Variants in COL9A1 observed in about 807,000 individuals in gnomAD.
COL9A1 encodes collagen type IX alpha 1 chain, also known as collagen alpha-1(IX) chain.
Under a neutral mutation model 142.6 loss-of-function variants are expected in COL9A1, and 104 were observed. That is an observed-to-expected ratio of 0.73 (90% CI 0.62 to 0.86). The LOEUF (loss-of-function observed/expected upper bound fraction) is 0.86. Among genes scored for constraint, COL9A1 ranks in the 40% least tolerant of loss-of-function variants. The probability of loss-of-function intolerance (pLI) is 0.00; values close to 1 mark genes in which losing one functional copy is unlikely to be tolerated. For synonymous variants in COL9A1, 466 were observed against 396.0 expected (o/e 1.18, Z -2.10); for missense variants, 1,210 against 1,176.6 (o/e 1.03, Z -0.42).
chr6:70,264,445 A>G (rs972792383), intron 18 of COL9A1, among the ~76,000 whole-genome samples: 7 of 152,176 alleles, frequency 4.6e-5, no homozygotes, highest in Middle Eastern at 3.4e-3. Context: ...ACTAGAATCT[A>G]TGACTGACAG....
chr6:70,300,693 G>C (rs1254222225), intron 2 of COL9A1, among the ~76,000 whole-genome samples: 1 of 152,132 alleles, frequency 6.6e-6, no homozygotes, highest in African/African-American at 2.4e-5. Flanking sequence ...AATCTGGCTG[G>C]GAAAATGTTC....
intron 37 of COL9A1, among the ~76,000 whole-genome samples, chr6:70,224,290 C>A (rs1769086349): frequency 6.6e-6 from 1 of 152,118 alleles, no homozygotes; most frequent in South Asian, 2.1e-4. Flanking sequence ...CGTTTGCGCC[C>A]CCCATCAACT....
chr6:70,233,453 A>T (rs955915496), intron 35 of COL9A1, among the ~76,000 whole-genome samples: 3 of 152,204 alleles, frequency 2.0e-5, no homozygotes, highest in Admixed American at 6.5e-5. Flanking sequence ...TAGATTCAGA[A>T]TCACCCACTA....
At chr6:70,220,318 A>G (rs190549423) in intron 37 of COL9A1, among the ~76,000 whole-genome samples, 176 of 152,052 alleles carry the variant, frequency 1.2e-3, no homozygotes, top group African/African-American at 4.1e-3. Context: ...ACCCTTAACC[A>G]CTGCACTAAC....
intron 18 of COL9A1, among the ~76,000 whole-genome samples, chr6:70,263,916 T>C (rs1771855788): frequency 6.6e-6 from 1 of 151,960 alleles, no homozygotes; most frequent in Non-Finnish European, 1.5e-5. Context: ...TACATAGAAA[T>C]CTGTAATTAC....
At chr6:70,232,123 T>G (rs979450322) in intron 36 of COL9A1, among the ~76,000 whole-genome samples, 3 of 152,184 alleles carry the variant, frequency 2.0e-5, no homozygotes, top group Non-Finnish European at 2.9e-5. Flanking sequence ...GGGAGGCAGC[T>G]CTAATGCATA....
intron 10 of COL9A1, among the ~76,000 whole-genome samples, chr6:70,278,371 A>G (rs1772904717): frequency 6.6e-6 from 1 of 152,244 alleles, no homozygotes; most frequent in Non-Finnish European, 1.5e-5. Context: ...CTCTCTGAGG[A>G]AACCACTTGT....
chr6:70,302,125 AAACACTTCC>A, intron 1 of COL9A1, 51 bp from the exon 2 acceptor site: 1 of 1,232,374 alleles, frequency 8.1e-7, no homozygotes, highest in Non-Finnish European at 1.2e-6. Context: ...CGCAGATGGA[AAACACTTCC>A]ATATTTTCAA....
At chr6:70,248,695 G>T (rs1208906570) in intron 28 of COL9A1, among the ~76,000 whole-genome samples, 1 of 152,152 alleles carries the variant, frequency 6.6e-6, no homozygotes, top group Non-Finnish European at 1.5e-5. Context: ...ACCAACAAAA[G>T]CAGCATGGCA....
At chr6:70,295,471 A>G (rs1239823646) in intron 4 of COL9A1, among the ~76,000 whole-genome samples, 1 of 151,424 alleles carries the variant, frequency 6.6e-6, no homozygotes. Context: ...TATTTTTAGT[A>G]GAGATGGTGT....
Position 70,256,807 on chromosome 6 carries a change from T to C in COL9A1, c.1464A>G (p.Leu488=). 1 of 1,613,398 alleles carries C rather than the reference T, an allele frequency of 6.2e-7. No individual in the cohort carries two copies. The highest frequency in any genetic ancestry group is 8.5e-7 in the Non-Finnish European group (1 of 1,179,900). The change falls in exon 21 of 38, where the codon TTA becomes TTG. Residue 488 remains leucine, a synonymous_variant. Transcript: ENST00000357250. ...GACCCTGAGGCCCAGGTTCACCATC[T>C]AAGCCCCGAGCACCCTGCAAAAAAA... ...GDKGEKGARG[L]DGEPGPQGLP... is the part of the protein sequence containing the mutation.
At chr6:70,217,405 T>TGGAGATGAACTAAGG (rs1411389681) in intron 37 of COL9A1, among the ~76,000 whole-genome samples, 4 of 152,108 alleles carry the variant, frequency 2.6e-5, no homozygotes, top group Non-Finnish European at 5.9e-5. Context: ...TGAGGCCAAA[T>TGGAGATGAACTAAGG]GGAGATGAAC....
intron 7 of COL9A1, among the ~76,000 whole-genome samples, chr6:70,282,167 T>C (rs568747960): frequency 3.9e-5 from 6 of 152,304 alleles, no homozygotes; most frequent in African/African-American, 1.4e-4. Flanking sequence ...TCTGAAATAG[T>C]ATAAACGTGT....
In COL9A1 at chr6:70,267,368, G is replaced by T. The variant is rs145309002; in HGVS notation, c.1288-598C>A. ...ATGGAGCTTCGCTCTTGTTGCTCAG[G>T]CTGGAGTGCAATGGCGCGACCTCTG... On this transcript the variant is annotated intron_variant, in intron 17 of 37. Coordinates refer to ENST00000357250, the MANE Select transcript of COL9A1 (RefSeq NM_001851.6). Among the ~76,000 whole-genome samples the T allele has an allele frequency of 5.0e-3, 664 of 131,982 alleles. 13 individuals carry two copies. The highest frequency in any genetic ancestry group is 0.018 in the African/African-American group (613 of 34,686). 86.6% of individuals were successfully genotyped at this position (131,982 alleles called of 152,430 possible). A position where few individuals can be genotyped will look rare whatever the true frequency, so the allele number is the denominator to read the frequency against.
chr6:70,225,932 C>G lies in COL9A1; in HGVS notation c.2581G>C (p.Gly861Arg), dbSNP rs774871148. ...NGLPGAIGLP[G>R]DPGPASYGRN... ...CCTCTCAGCTATACAACACACTTAC[C>G]TGGGAGACCTATAGCTCCAGGCAAA... is the stretch of plus-strand genomic sequence containing the variant. The change falls in exon 37 of 38, where the codon GGT becomes CGT. Residue 861 changes from glycine (G) to arginine (R), a missense_variant and splice_region_variant. Physicochemically the swap from Gly to Arg is moderately radical, Grantham distance 125. Transcript: ENST00000357250. The G allele has an allele frequency of 7.4e-6, 12 of 1,613,828 alleles. No individual in the cohort carries two copies. In the South Asian group the frequency reaches 1.3e-4, roughly 18 times the overall value.
chr6:70,235,325 T>A (rs772214313), intron 33 of COL9A1, among the ~76,000 whole-genome samples: 7 of 152,070 alleles, frequency 4.6e-5, no homozygotes, highest in Non-Finnish European at 8.8e-5. Context: ...TGGTGGTGCA[T>A]GCCTGTTGTC....
intron 21 of COL9A1, 62 bp from the exon 22 acceptor site, chr6:70,255,452 A>G (rs1250166900): frequency 3.5e-6 from 5 of 1,417,502 alleles, no homozygotes; most frequent in Non-Finnish European, 5.0e-6. Flanking sequence ...ACTTTTAAAA[A>G]TTAGAAAGTA....
rs948228382 is a variant in COL9A1, at chr6:70,216,787, T to C, written c.*110A>G. On this transcript the variant is annotated 3_prime_UTR_variant, in exon 38 of 38. Coordinates refer to ENST00000357250, the MANE Select transcript of COL9A1 (RefSeq NM_001851.6). ...TGTAATCATACTGAAGGTAATACAT[T>C]GTAATCATGCTGAAGGTAATCATCT... 9.0e-7 allele frequency: 1 copy of C among 1,106,506 alleles called. No individual in the cohort carries two copies. The highest frequency in any genetic ancestry group is 1.5e-5 in the African/African-American group (1 of 64,670). The allele number at this position is 1,106,506 out of a possible 1,614,324, so 68.5% of individuals were successfully genotyped here.
chr6:70,286,937 G>C (rs1439960110), intron 5 of COL9A1, among the ~76,000 whole-genome samples: 1 of 152,212 alleles, frequency 6.6e-6, no homozygotes, highest in Non-Finnish European at 1.5e-5. Context: ...ACACATTCAT[G>C]TGCTTTGGGA....
Sources: gnomAD v4.1 joint callset for allele counts (sites outside exome capture counted in the v4.1 genomes callset) on GRCh38, gnomAD v4.1.1 for gene constraint, MANE v1.5 for transcripts, NCBI Gene and HGNC (gene_info 2026-07-23, HGNC 2026-07-21) for gene names.